Variants in ZNF423 observed in about 807,000 individuals in gnomAD.
ZNF423 encodes the protein zinc finger protein 423, also known as Ebf-associated zinc finger protein.
Under a neutral mutation model 95.8 loss-of-function variants are expected in ZNF423, and 12 were observed. That is an observed-to-expected ratio of 0.13 (90% CI 0.08 to 0.20). The LOEUF is 0.20. Among genes scored for constraint, ZNF423 ranks in the 10% least tolerant of loss-of-function variants. ZNF423 has a pLI of 1.00. For synonymous variants in ZNF423, 749 were observed against 711.9 expected (o/e 1.05, Z -0.83); for missense variants, 1,316 against 1,737.1 (o/e 0.76, Z 4.31).
At chr16:49,597,131 T>C (rs1971206843) in intron 5 of ZNF423, among the ~76,000 whole-genome samples, 1 of 151,918 alleles carries the variant, frequency 6.6e-6, no homozygotes, top group African/African-American at 2.4e-5. Context: ...AAGTTGGGAG[T>C]GTCTGTTTCC....
intron 1 of ZNF423, among the ~76,000 whole-genome samples, chr16:49,828,664 C>T (rs1366045186): frequency 6.6e-6 from 1 of 152,236 alleles, no homozygotes; most frequent in African/African-American, 2.4e-5. Context: ...TAGACTCACA[C>T]TGCAGCCAAC....
At chr16:49,619,619 G>A (rs974276031) in intron 5 of ZNF423, among the ~76,000 whole-genome samples, 1 of 152,120 alleles carries the variant, frequency 6.6e-6, no homozygotes, top group Admixed American at 6.5e-5. Flanking sequence ...TTGGATTATA[G>A]TCTTGCTGTA....
At chr16:49,507,008 CGTT>C (rs1197723728) in intron 7 of ZNF423, among the ~76,000 whole-genome samples, 1 of 152,006 alleles carries the variant, frequency 6.6e-6, no homozygotes, top group Non-Finnish European at 1.5e-5. Flanking sequence ...GGACGGTAAA[CGTT>C]GATGAGTTGA....
At chr16:49,525,646 G>T in intron 5 of ZNF423, 152 bp from the exon 6 acceptor site, 1 of 1,105,972 alleles carries the variant, frequency 9.0e-7, no homozygotes, top group Non-Finnish European at 1.3e-6. Flanking sequence ...GACTCATCCT[G>T]GCTCCACATG....
intron 2 of ZNF423, among the ~76,000 whole-genome samples, chr16:49,760,877 A>C (rs2033817770): frequency 1.3e-5 from 2 of 149,986 alleles, no homozygotes; most frequent in Non-Finnish European, 3.0e-5. Context: ...TCATCTCCCC[A>C]AATTCCCCCT....
At chr16:49,555,004 T>C (rs920194165) in intron 5 of ZNF423, among the ~76,000 whole-genome samples, 6 of 152,072 alleles carry the variant, frequency 3.9e-5, no homozygotes, top group Non-Finnish European at 5.9e-5. Context: ...TTGGTCAAGA[T>C]GGAAACTGGG....
At chr16:49,786,148 C>T (rs1348871765) in intron 2 of ZNF423, among the ~76,000 whole-genome samples, 3 of 152,232 alleles carry the variant, frequency 2.0e-5, no homozygotes, top group African/African-American at 4.8e-5. Context: ...CCCACGCCCC[C>T]GCCTCCGGAC....
Position 49,525,419 on chromosome 16 carries a change from A to G in ZNF423, c.3677T>C (p.Ile1226Thr). Residue 1226 changes from isoleucine (I) to threonine (T), a missense_variant, in exon 6 of 8, where the codon ATT becomes ACT. Ile to Thr is a moderately conservative substitution (Grantham distance 89). Around this residue, in one of 6 missense-constraint regions of ZNF423, gnomAD observed 75 missense variants for 163.5 expected, o/e 0.46. Transcript: ENST00000563137. The part of the protein sequence containing the change: ...DSPAKLLCHL[I>T]EHSFEGMGGT... The stretch of plus-strand genomic sequence containing the variant: ...GCCCATGCCCTCGAAGCTGTGCTCA[A>G]TGAGGTGACAGAGGAGCTTGGCCGG... 6.2e-7 allele frequency: 1 copy of G among 1,614,104 alleles called. No homozygotes were observed. The highest frequency in any genetic ancestry group is 1.1e-5 in the South Asian group (1 of 91,074).
At chr16:49,669,616 C>T (rs1312091364) in intron 3 of ZNF423, among the ~76,000 whole-genome samples, 1 of 152,206 alleles carries the variant, frequency 6.6e-6, no homozygotes, top group Admixed American at 6.5e-5. Flanking sequence ...AGGAGTTGGA[C>T]CTAGAGACCC....
intron 1 of ZNF423, among the ~76,000 whole-genome samples, chr16:49,837,295 C>T (rs2035131048): frequency 1.3e-5 from 2 of 152,134 alleles, no homozygotes; most frequent in African/African-American, 4.8e-5. Context: ...GCTGTGTGAG[C>T]CAGGGCAAGG....
chr16:49,749,033 G>A (rs771551863), intron 2 of ZNF423, among the ~76,000 whole-genome samples: 3 of 152,158 alleles, frequency 2.0e-5, no homozygotes, highest in East Asian at 3.8e-4. Context: ...CAGGGGCTAC[G>A]GTCCCATCTC....
chr16:49,614,879 C>T (rs898398599), intron 5 of ZNF423, among the ~76,000 whole-genome samples: 6 of 152,138 alleles, frequency 3.9e-5, no homozygotes, highest in Admixed American at 2.0e-4. Flanking sequence ...AACAGTAATC[C>T]CAGCACTTTG....
At chr16:49,725,619 G>A (rs2032989570) in intron 3 of ZNF423, among the ~76,000 whole-genome samples, 1 of 152,200 alleles carries the variant, frequency 6.6e-6, no homozygotes, top group Non-Finnish European at 1.5e-5. Context: ...AGAAAGGGAT[G>A]GGTGCTCTGG....
chr16:49,738,214 G>A lies in ZNF423; in HGVS notation c.101-7243C>T, dbSNP rs144612137. 1.2e-3 allele frequency among the ~76,000 whole-genome samples: 188 copies of A among 152,286 alleles called. 1 individual carries two copies. The East Asian group carries it at 0.029, about 24-fold the overall frequency. ...GCTCCCCAACCCCATTCATCTTGGC[G>A]GCCTCAAAGCCCACACAAAGGCTGG... On this transcript the variant is annotated intron_variant, in intron 2 of 7. Coordinates refer to ENST00000563137, the MANE Select transcript of ZNF423 (RefSeq NM_001379286.1).
At chr16:49,821,187 C>T (rs1411107771) in intron 1 of ZNF423, among the ~76,000 whole-genome samples, 1 of 150,288 alleles carries the variant, frequency 6.7e-6, no homozygotes, top group Non-Finnish European at 1.5e-5. Context: ...AAAAGAAAAA[C>T]TGAACGGGTT....
At position 49,621,737 on chromosome 16, in the gene ZNF423, C is replaced by T. The variant is rs529577014; in HGVS notation, c.3601+4433G>A. Among the ~76,000 whole-genome samples the T allele has an allele frequency of 2.6e-5, 4 of 152,276 alleles. No homozygotes were observed. In the East Asian group the frequency reaches 5.8e-4, roughly 22 times the overall value. ...GAAGCCATCCACTGGGACACTGGGC[C>T]CCAAAAGATTTACTGGGATTGCAGA... On this transcript the variant is annotated intron_variant, in intron 5 of 7. Transcript: ENST00000563137.
intron 3 of ZNF423, among the ~76,000 whole-genome samples, chr16:49,702,008 C>T (rs906940361): frequency 2.0e-5 from 3 of 152,174 alleles, no homozygotes; most frequent in Non-Finnish European, 4.4e-5. Context: ...CATTTTGAGG[C>T]ATTATGAAAG....
At chr16:49,567,905 C>A (rs1286357530) in intron 5 of ZNF423, among the ~76,000 whole-genome samples, 1 of 152,216 alleles carries the variant, frequency 6.6e-6, no homozygotes, top group Non-Finnish European at 1.5e-5. Flanking sequence ...CTATACTCCT[C>A]CGGAAGTGGA....
chr16:49,746,949 C>T (rs1357101918), intron 2 of ZNF423, among the ~76,000 whole-genome samples: 1 of 152,172 alleles, frequency 6.6e-6, no homozygotes, highest in African/African-American at 2.4e-5. Flanking sequence ...CGGCCCATGA[C>T]CCAAGTGGGG....
Sources: gnomAD v4.1 joint callset for allele counts (sites outside exome capture counted in the v4.1 genomes callset) on GRCh38, gnomAD v4.1.1 for gene constraint, gnomAD v4.1.1 regional missense constraint, MANE v1.5 for transcripts, NCBI Gene and HGNC (gene_info 2026-07-23, HGNC 2026-07-21) for gene names.